Variants in TSPAN5 observed in about 807,000 individuals in gnomAD.
The protein encoded by TSPAN5 is tetraspanin-5.
A neutral mutation model predicts 37.1 loss-of-function variants in TSPAN5; 10 were observed. The observed-to-expected ratio is 0.27, with a 90% CI of 0.17 to 0.46. The LOEUF is 0.46. Ranked by LOEUF, TSPAN5 falls within the 20% of genes least tolerant of loss-of-function variation. The probability of loss-of-function intolerance (pLI) is 1.00; values close to 1 mark genes in which losing one functional copy is unlikely to be tolerated. For missense variants in TSPAN5, 195 were observed against 326.6 expected (o/e 0.60, Z 3.11); for synonymous variants, 110 against 118.9 (o/e 0.93, Z 0.48).
intron 3 of TSPAN5, 54 bp from the exon 4 acceptor site, chr4:98,482,229 A>G: frequency 6.6e-7 from 1 of 1,517,218 alleles, no homozygotes; most frequent in Non-Finnish European, 9.0e-7. Context: ...TTTTGATCAT[A>G]TATAGCTAAA....
Position 98,471,037 on chromosome 4 carries a change from T to G in TSPAN5, c.*1485A>C, listed in dbSNP as rs1412552494. On this transcript the variant is annotated 3_prime_UTR_variant, in exon 8 of 8. Coordinates refer to ENST00000305798, the MANE Select transcript of TSPAN5 (RefSeq NM_005723.4). ...AAATCTAGAGGGCAAAACTCGTCCC[T>G]CCCACCTAAAGTGGGGGCAGGAGCG... 6.6e-6 allele frequency: 1 copy of G among 152,148 alleles called. No individual in the cohort carries two copies. The highest frequency in any genetic ancestry group is 1.5e-5 in the Non-Finnish European group (1 of 68,024). 9.4% of individuals were successfully genotyped at this position (152,148 alleles called of 1,614,324 possible).
chr4:98,522,546 C>T (rs1392296245), intron 1 of TSPAN5, among the ~76,000 whole-genome samples: 7 of 152,184 alleles, frequency 4.6e-5, no homozygotes, highest in South Asian at 2.1e-4. Flanking sequence ...ACTGAACTGA[C>T]GTCATCTTTC....
At chr4:98,629,351 G>A (rs965667263) in intron 1 of TSPAN5, among the ~76,000 whole-genome samples, 4 of 152,164 alleles carry the variant, frequency 2.6e-5, no homozygotes, top group Non-Finnish European at 5.9e-5. Context: ...AAATAATAGT[G>A]CAGACATCTT....
At chr4:98,497,520 T>C in intron 2 of TSPAN5, among the ~76,000 whole-genome samples, 1 of 152,062 alleles carries the variant, frequency 6.6e-6, no homozygotes, top group East Asian at 1.9e-4. Flanking sequence ...TCTATAGTAT[T>C]TTGTTACAGC....
At chr4:98,563,808 C>A (rs1172237711) in intron 1 of TSPAN5, among the ~76,000 whole-genome samples, 2 of 152,108 alleles carry the variant, frequency 1.3e-5, no homozygotes. Context: ...AGAGGACATT[C>A]GATAACATCT....
chr4:98,542,254 T>A (rs11722586), intron 1 of TSPAN5, among the ~76,000 whole-genome samples: 3 of 152,240 alleles, frequency 2.0e-5, no homozygotes, highest in African/African-American at 7.2e-5. Flanking sequence ...GTTCCACCCA[T>A]GGAGCTGTGT....
chr4:98,657,836 G>A (rs1757323281), intron 1 of TSPAN5: 1 of 341,758 alleles, frequency 2.9e-6, no homozygotes, highest in Non-Finnish European at 5.4e-6. Flanking sequence ...TCGTGTGGTT[G>A]CTCATTTCTC....
At chr4:98,554,482 T>A (rs768788885) in intron 1 of TSPAN5, among the ~76,000 whole-genome samples, 63 of 152,234 alleles carry the variant, frequency 4.1e-4, no homozygotes, top group Non-Finnish European at 8.1e-4. Context: ...GCGCTAATCA[T>A]ACTCATTCAA....
chr4:98,575,821 C>T (rs1755222289), intron 1 of TSPAN5, among the ~76,000 whole-genome samples: 1 of 150,616 alleles, frequency 6.6e-6, no homozygotes, highest in Non-Finnish European at 1.5e-5. Context: ...CCTGTAATCC[C>T]AGCACTTTGG....
intron 1 of TSPAN5, among the ~76,000 whole-genome samples, chr4:98,521,089 G>A (rs187522868): frequency 2.0e-5 from 3 of 152,160 alleles, no homozygotes; most frequent in South Asian, 4.2e-4. Context: ...GTGCCACCAC[G>A]CCTGGCTAAT....
chr4:98,505,040 A>C (rs914427194), intron 2 of TSPAN5, among the ~76,000 whole-genome samples: 1 of 151,968 alleles, frequency 6.6e-6, no homozygotes, highest in African/African-American at 2.4e-5. Flanking sequence ...GGGCATTAAT[A>C]ACCCTATTCA....
At chr4:98,493,984 G>C (rs902020240) in intron 2 of TSPAN5, among the ~76,000 whole-genome samples, 4 of 152,174 alleles carry the variant, frequency 2.6e-5, no homozygotes, top group African/African-American at 9.7e-5. Flanking sequence ...TGCAATAGGA[G>C]ATTTCCATTA....
chr4:98,482,071 G>T lies in TSPAN5; in HGVS notation c.384C>A (p.Asn128Lys). The change falls in exon 4 of 8, where the codon AAC (asparagine) becomes AAA (lysine). Residue 128 changes from asparagine (N) to lysine (K), a missense_variant. Transcript: ENST00000305798. ...WIKDQLYFFI[N>K]NNIRAYRDDI... ...CATCCCGATATGCTCTGATGTTGTT[G>T]TTTATAAAGAAATACAGCTGGTCTT... 1 of 1,614,114 alleles carries T rather than the reference G, an allele frequency of 6.2e-7. No homozygotes were observed. The highest frequency in any genetic ancestry group is 8.5e-7 in the Non-Finnish European group (1 of 1,179,994).
intron 1 of TSPAN5, among the ~76,000 whole-genome samples, chr4:98,588,392 CAAA>C (rs756536690): frequency 7.4e-6 from 1 of 134,402 alleles, no homozygotes. Flanking sequence ...AACTTCGGTT[CAAA>C]AAAAAAAAAA....
In TSPAN5 at chr4:98,626,402, G is replaced by A. The variant is rs558767558; in HGVS notation, c.81+31744C>T. ...CCTGCTTATTCCGTAAACAACAAAAGGATTTTTAAGGCATAAGTCAGATCA... is the reference window on the plus strand; with the variant it reads ...CCTGCTTATTCCGTAAACAACAAAAAGATTTTTAAGGCATAAGTCAGATCA... On this transcript the variant is annotated intron_variant, in intron 1 of 7. Transcript: ENST00000305798. Among the ~76,000 whole-genome samples the A allele has an allele frequency of 2.6e-5, 4 of 152,194 alleles. No individual in the cohort carries two copies. In the East Asian group the frequency reaches 7.7e-4, roughly 29 times the overall value.
intron 1 of TSPAN5, among the ~76,000 whole-genome samples, chr4:98,615,684 GGT>G (rs1249228326): frequency 6.6e-6 from 1 of 152,138 alleles, no homozygotes; most frequent in Non-Finnish European, 1.5e-5. Flanking sequence ...AGCAGGGCGT[GGT>G]AATGTATGCC....
At chr4:98,581,270 T>C (rs563721385) in intron 1 of TSPAN5, among the ~76,000 whole-genome samples, 2 of 152,208 alleles carry the variant, frequency 1.3e-5, no homozygotes, top group South Asian at 2.1e-4. Flanking sequence ...AAAATACCAA[T>C]TGAGGACCGG....
At position 98,494,694 on chromosome 4, in the gene TSPAN5, C is replaced by T. The variant is rs1753160147; in HGVS notation, c.133-7810G>A. On this transcript the variant is annotated intron_variant, in intron 2 of 7. Coordinates refer to ENST00000305798, the MANE Select transcript of TSPAN5 (RefSeq NM_005723.4). ...TATAATTATTAGAACAAGAAGAAGA[C>T]ACCAGACACTGTAGAGGCACCCAGG... 2.0e-5 allele frequency among the ~76,000 whole-genome samples: 3 copies of T among 151,958 alleles called. No homozygotes were observed. In the South Asian group the frequency reaches 6.2e-4, roughly 32 times the overall value.
At chr4:98,598,282 G>T (rs1451065558) in intron 1 of TSPAN5, among the ~76,000 whole-genome samples, 1 of 141,334 alleles carries the variant, frequency 7.1e-6, no homozygotes, top group South Asian at 2.4e-4. Context: ...GCAATGCCTC[G>T]CCCTGCTTCG....
Sources: allele counts gnomAD v4.1 joint callset (sites outside exome capture counted in the v4.1 genomes callset), GRCh38; gene constraint gnomAD v4.1.1; transcripts MANE v1.5; gene names NCBI Gene and HGNC (gene_info 2026-07-23, HGNC 2026-07-21).